The following FAM227B variants were observed in gnomAD, a reference collection of about 807,000 sequenced individuals.
The protein encoded by FAM227B is protein FAM227B.
A neutral mutation model predicts 73.8 loss-of-function variants in FAM227B; 88 were observed. The observed-to-expected ratio is 1.19, with a 90% CI of 1.00 to 1.42. The LOEUF (loss-of-function observed/expected upper bound fraction) is 1.42. FAM227B is among the 40% of genes most tolerant of loss of function. The pLI is 0.00. For synonymous variants in FAM227B, 210 were observed against 190.5 expected (o/e 1.10, Z -0.84); for missense variants, 632 against 590.9 (o/e 1.07, Z -0.72).
At position 49,517,723 on chromosome 15, in the gene FAM227B, CAATT is replaced by C. The variant is rs145155994; in HGVS notation, c.875-9379_875-9376del. On this transcript the variant is annotated intron_variant, in intron 10 of 15. Coordinates refer to ENST00000299338, the MANE Select transcript of FAM227B (RefSeq NM_152647.3). The stretch of plus-strand genomic sequence containing the variant: ...ATGAACAAATCATAAATGTATAGCT[CAATT>C]AATTTTTTACAAATTTAATATATAG... 2.0e-3 allele frequency among the ~76,000 whole-genome samples: 310 copies of C among 152,192 alleles called. 7 individuals are homozygous for C. The East Asian group carries it at 0.054, about 27-fold the overall frequency.
At chr15:49,533,560 AGT>A (rs1029119212) in intron 10 of FAM227B, among the ~76,000 whole-genome samples, 8 of 151,892 alleles carry the variant, frequency 5.3e-5, no homozygotes. Context: ...TCCAACATCT[AGT>A]GCATATATAT....
At position 49,505,301 on chromosome 15, in the gene FAM227B, A is replaced by G. The variant is rs550758098; in HGVS notation, c.1012+2910T>C. ...AGCATAAGGAACTTTTGAGAGAGATAGATGTTTTTTTACCTCGAGTTGTAA... is the reference window on the plus strand; with the variant it reads ...AGCATAAGGAACTTTTGAGAGAGATGGATGTTTTTTTACCTCGAGTTGTAA... On this transcript the variant is annotated intron_variant, in intron 11 of 15. Coordinates refer to ENST00000299338, the MANE Select transcript of FAM227B (RefSeq NM_152647.3). 4.5e-4 allele frequency among the ~76,000 whole-genome samples: 68 copies of G among 152,274 alleles called. No individual in the cohort carries two copies. In the Middle Eastern group the frequency reaches 0.014, roughly 30 times the overall value.
rs79072480 is a variant in FAM227B at position 49,554,892 on chromosome 15, T to G, written c.748-13086A>C. Among the ~76,000 whole-genome samples the G allele has an allele frequency of 1.9e-3, 295 of 152,324 alleles. 1 individual carries two copies. In the East Asian group the frequency reaches 0.031, roughly 16 times the overall value. On this transcript the variant is annotated intron_variant, in intron 9 of 15. Transcript: ENST00000299338. ...TGCTCTGCCTCTGCCTGTTTTATCT[T>G]AAACTAGAATAGCAACTTCTGCTTC... is the stretch of plus-strand genomic sequence containing the variant.
At chr15:49,544,927 T>A (rs976837778) in intron 9 of FAM227B, among the ~76,000 whole-genome samples, 1 of 152,154 alleles carries the variant, frequency 6.6e-6, no homozygotes, top group African/African-American at 2.4e-5. Flanking sequence ...TGAGGATTTT[T>A]GCATCTATGT....
intron 11 of FAM227B, among the ~76,000 whole-genome samples, chr15:49,378,753 T>C (rs1393871102): frequency 6.6e-6 from 1 of 152,182 alleles, no homozygotes; most frequent in African/African-American, 2.4e-5. Context: ...CAGATAACAA[T>C]CATTTGACTT....
At chr15:49,507,888 C>T (rs930808841) in intron 11 of FAM227B, among the ~76,000 whole-genome samples, 2 of 151,708 alleles carry the variant, frequency 1.3e-5, no homozygotes, top group African/African-American at 4.8e-5. Flanking sequence ...CTAAAGAAAA[C>T]ATAATTTAAA....
At chr15:49,541,310 T>C (rs1706501799) in intron 10 of FAM227B, among the ~76,000 whole-genome samples, 1 of 152,164 alleles carries the variant, frequency 6.6e-6, no homozygotes, top group African/African-American at 2.4e-5. Context: ...AATTAAATTA[T>C]TTCTAGATTT....
At chr15:49,371,218 T>C (rs537748594) in intron 12 of FAM227B, 84 bp downstream of exon 12, 3 of 671,346 alleles carry the variant, frequency 4.5e-6, no homozygotes, top group East Asian at 3.0e-5. Flanking sequence ...GTAACCAGCA[T>C]TGCCTATGTA....
intron 10 of FAM227B, among the ~76,000 whole-genome samples, chr15:49,510,155 A>G (rs908462928): frequency 2.0e-5 from 3 of 152,154 alleles, no homozygotes; most frequent in Non-Finnish European, 4.4e-5. Flanking sequence ...ATAAAGATTT[A>G]ACGATCTTTC....
At chr15:49,394,746 AAG>A (rs1156379299) in intron 11 of FAM227B, among the ~76,000 whole-genome samples, 5 of 152,206 alleles carry the variant, frequency 3.3e-5, no homozygotes, top group African/African-American at 1.2e-4. Flanking sequence ...GTAAGGAAGA[AAG>A]GACTTCAGTG....
intron 11 of FAM227B, among the ~76,000 whole-genome samples, chr15:49,428,921 A>T (rs559439830): frequency 1.1e-4 from 17 of 152,172 alleles, no homozygotes; most frequent in South Asian, 6.2e-4. Flanking sequence ...GCAAAAGGCA[A>T]ATAAACACAG....
At chr15:49,430,372 C>T (rs1244017161) in intron 11 of FAM227B, among the ~76,000 whole-genome samples, 1 of 151,758 alleles carries the variant, frequency 6.6e-6, no homozygotes, top group Non-Finnish European at 1.5e-5. Context: ...TGACTATGAA[C>T]TCAGATGCTC....
At chr15:49,469,868 G>A (rs1275288098) in intron 11 of FAM227B, among the ~76,000 whole-genome samples, 1 of 151,994 alleles carries the variant, frequency 6.6e-6, no homozygotes, top group East Asian at 1.9e-4. Context: ...ATAATGATAA[G>A]CAAACTCAAA....
chr15:49,458,768 C>A (rs1425841342), intron 11 of FAM227B, among the ~76,000 whole-genome samples: 2 of 152,014 alleles, frequency 1.3e-5, no homozygotes, highest in East Asian at 3.9e-4. Flanking sequence ...AAAATCCTGT[C>A]TTTTAGAAAT....
At chr15:49,579,612 A>C (rs1039208192) in intron 5 of FAM227B, among the ~76,000 whole-genome samples, 2 of 152,160 alleles carry the variant, frequency 1.3e-5, no homozygotes, top group Non-Finnish European at 2.9e-5. Context: ...TATAGAGTAG[A>C]ATGGTGGTTA....
At chr15:49,539,653 G>A (rs1417555756) in intron 10 of FAM227B, among the ~76,000 whole-genome samples, 2 of 152,248 alleles carry the variant, frequency 1.3e-5, no homozygotes, top group Non-Finnish European at 2.9e-5. Flanking sequence ...TGGTGTTGCA[G>A]TGGGTCCAGT....
chr15:49,397,568 G>A (rs2047777442), intron 11 of FAM227B, among the ~76,000 whole-genome samples: 1 of 152,210 alleles, frequency 6.6e-6, no homozygotes, highest in East Asian at 1.9e-4. Context: ...AAGTTGAAAT[G>A]AAGGAAAAAA....
intron 13 of FAM227B, chr15:49,366,504 A>G: frequency 7.8e-7 from 1 of 1,286,684 alleles, no homozygotes; most frequent in Admixed American, 1.7e-5. Flanking sequence ...AAACTAATGG[A>G]AGTTGCATTT....
intron 13 of FAM227B, among the ~76,000 whole-genome samples, chr15:49,341,485 A>G (rs1395349328): frequency 1.3e-5 from 2 of 152,106 alleles, no homozygotes; most frequent in African/African-American, 4.8e-5. Context: ...GGTTAGATGT[A>G]CCTGTGATTA....
Sources: gnomAD v4.1 joint callset for allele counts (sites outside exome capture counted in the v4.1 genomes callset) on GRCh38, gnomAD v4.1.1 for gene constraint, MANE v1.5 for transcripts, NCBI Gene and HGNC (gene_info 2026-07-23, HGNC 2026-07-21) for gene names.